MYEF2: variants seen among roughly 807,000 people sequenced by gnomAD.
MYEF2 encodes the protein myelin gene expression factor 2.
Under a neutral mutation model 75.2 loss-of-function variants are expected in MYEF2, and 37 were observed. The ratio of observed to expected loss-of-function variants is 0.49; its 90% CI spans 0.38 to 0.65. MYEF2 has a LOEUF of 0.65. Among genes scored for constraint, MYEF2 ranks in the 30% least tolerant of loss-of-function variants. MYEF2 has a pLI of 0.00. For synonymous variants in MYEF2, 195 were observed against 241.6 expected, an observed-to-expected ratio of 0.81 and a Z score of 1.79; for missense variants, 634 against 771.4, an observed-to-expected ratio of 0.82 and a Z score of 2.11.
At chr15:48,156,041 G>C in intron 9 of MYEF2, among the ~76,000 whole-genome samples, 1 of 152,058 alleles carries the variant, frequency 6.6e-6, no homozygotes, top group East Asian at 1.9e-4. Context: ...GCCTCCCAAA[G>C]TGCTGGGATT....
intron 7 of MYEF2, 112 bp downstream of exon 7, chr15:48,158,657 A>G (rs1393032008): frequency 7.8e-7 from 1 of 1,281,588 alleles, no homozygotes; most frequent in East Asian, 2.3e-5. Context: ...ACTAAAGTCT[A>G]ACACACATCT....
Position 48,134,672 on chromosome 15 carries a change from G to A in MYEF2, c.*8236C>T, listed in dbSNP as rs2038852547. The A allele has an allele frequency of 1.4e-6, 1 of 736,418 alleles. No individual in the cohort carries two copies. The highest frequency in any genetic ancestry group is 2.8e-5 in the Admixed American group (1 of 35,636). The allele number at this position is 736,418 out of a possible 1,614,324, so 45.6% of individuals were successfully genotyped here. A position where few individuals can be genotyped will look rare whatever the true frequency, so the allele number is the denominator to read the frequency against. ...TTATTAATCAGTAGAAAAACAACATGTATTCAATTTAATGTTAATCCACAA... is the reference window on the plus strand; with the variant it reads ...TTATTAATCAGTAGAAAAACAACATATATTCAATTTAATGTTAATCCACAA... On this transcript the variant is annotated 3_prime_UTR_variant, in exon 17 of 17. Transcript: ENST00000324324.
chr15:48,142,165 TTA>T lies in MYEF2; in HGVS notation c.*741_*742del, dbSNP rs752602941. 1 of 1,613,890 alleles carries T rather than the reference TTA, an allele frequency of 6.2e-7. No homozygotes were observed. Among genetic ancestry groups the T allele is most frequent in the Admixed American group, 1.7e-5 (1 of 60,032 alleles). Reference sequence around the variant, plus strand: ...CAGAAGTAAACAGCAGAGGACTAACTTACATAACCATCTCTCTCAACATTTCA... The same window carrying T: ...CAGAAGTAAACAGCAGAGGACTAACTCATAACCATCTCTCTCAACATTTCA... On this transcript the variant is annotated 3_prime_UTR_variant, in exon 17 of 17. Coordinates refer to ENST00000324324, the MANE Select transcript of MYEF2 (RefSeq NM_016132.5).
Position 48,149,118 on chromosome 15 carries a change from A to G in MYEF2, c.1588-35T>C, listed in dbSNP as rs762285100. The G allele has an allele frequency of 4.3e-6, 7 of 1,612,246 alleles. No homozygotes were observed. The highest frequency in any genetic ancestry group is 5.9e-6 in the Non-Finnish European group (7 of 1,178,872). On this transcript the variant is annotated intron_variant, in intron 15 of 16. Transcript: ENST00000324324. The surrounding 1 kb of genome is among the most constrained non-coding windows in gnomAD (Gnocchi z 4.0). ...AAAGAGGTATTAGTAACATATATAC[A>G]AGAAAAAAAAGAATTTGAATTATCC...
Position 48,137,508 on chromosome 15 carries a change from T to C in MYEF2, c.*5400A>G, listed in dbSNP as rs1358742367. 1 of 152,174 alleles carries C rather than the reference T, an allele frequency of 6.6e-6. No individual in the cohort carries two copies. The highest frequency in any genetic ancestry group is 1.5e-5 in the Non-Finnish European group (1 of 68,044). 9.4% of individuals were successfully genotyped at this position (152,174 alleles called of 1,614,324 possible). On this transcript the variant is annotated 3_prime_UTR_variant, in exon 17 of 17. Transcript: ENST00000324324. ...AGAGAAATTATTAGAACTGTTATCT[T>C]AGTAATGTTACCCAAAATGATGTTC... is the stretch of plus-strand genomic sequence containing the variant.
rs867245480 is a variant in MYEF2 at position 48,134,816 on chromosome 15, G to A, written c.*8092C>T. ...AACTACAAATATATAAACAATTTTA[G>A]TATTATACTAAGGATTGTACTTGAA... is the stretch of plus-strand genomic sequence containing the variant. On this transcript the variant is annotated 3_prime_UTR_variant, in exon 17 of 17. Coordinates refer to ENST00000324324, the MANE Select transcript of MYEF2 (RefSeq NM_016132.5). 105 of 1,181,816 alleles carry A rather than the reference G, an allele frequency of 8.9e-5. 2 individuals carry two copies. The Middle Eastern group carries it at 4.0e-3, about 45-fold the overall frequency. The allele number at this position is 1,181,816 out of a possible 1,614,324, so 73.2% of individuals were successfully genotyped here. A position where few individuals can be genotyped will look rare whatever the true frequency, so the allele number is the denominator to read the frequency against.
chr15:48,152,360 C>T, intron 10 of MYEF2, 76 bp from the exon 11 acceptor site: 3 of 1,214,486 alleles, frequency 2.5e-6, no homozygotes, highest in Non-Finnish European at 3.6e-6. Context: ...TGCATTATAG[C>T]AAAATAGATA....
In MYEF2 at chr15:48,138,990, T is replaced by C. The variant is rs1161899030; in HGVS notation, c.*3918A>G. On this transcript the variant is annotated 3_prime_UTR_variant, in exon 17 of 17. Coordinates refer to ENST00000324324, the MANE Select transcript of MYEF2 (RefSeq NM_016132.5). ...ACAGATCCACCAAGTGTTTTCAACA[T>C]GCCTGAAGCAGACTTAAAAAGAATT... The C allele has an allele frequency of 1.2e-6, 2 of 1,612,360 alleles. No individual in the cohort carries two copies. The highest frequency in any genetic ancestry group is 1.7e-6 in the Non-Finnish European group (2 of 1,179,012).
Position 48,149,083 on chromosome 15 carries a change from G to A in MYEF2, c.1588C>T (p.Leu530=). The A allele has an allele frequency of 3.1e-6, 5 of 1,613,076 alleles. No individual in the cohort carries two copies. The highest frequency in any genetic ancestry group is 4.2e-6 in the Non-Finnish European group (5 of 1,179,282). ...TTCTGCCAAGTCAAGTCAAAAGGTA[G>A]CTAGAATGAAAAGAGGTATTAGTAA... ...SKGNQIFVRN[L]PFDLTWQKLK... Residue 530 remains leucine (L), a splice_region_variant and synonymous_variant, in exon 16 of 17, where the codon CTA becomes TTA. Coordinates refer to ENST00000324324, the MANE Select transcript of MYEF2 (RefSeq NM_016132.5). This position sits in a 1 kb window ranked among gnomAD's most constrained non-coding sequence, Gnocchi z 4.0.
chr15:48,176,800 T>C (rs1435020370), intron 1 of MYEF2, among the ~76,000 whole-genome samples: 3 of 152,248 alleles, frequency 2.0e-5, no homozygotes, highest in Admixed American at 6.5e-5. Context: ...CTTCATTCCC[T>C]TTCTGGTTCC....
In MYEF2 at chr15:48,163,497, G is replaced by A. The variant is rs570354535; in HGVS notation, c.525+2436C>T. Among the ~76,000 whole-genome samples, 5 of 152,322 alleles carry A rather than the reference G, an allele frequency of 3.3e-5. No homozygotes were observed. The East Asian group carries it at 7.7e-4, about 23-fold the overall frequency. On this transcript the variant is annotated intron_variant, in intron 5 of 16. Transcript: ENST00000324324. ...TAAAAGTGCAAGTGAAGCAGCAAGT[G>A]CTGATGTAGAAGCTACAGAAAGTTA...
Position 48,138,755 on chromosome 15 carries a change from A to C in MYEF2, c.*4153T>G. ...TTTATAGATTTAAGGCCCCAAATAA[A>C]GAAATGCGGAGTATCACATCTTACA... On this transcript the variant is annotated 3_prime_UTR_variant, in exon 17 of 17. Coordinates refer to ENST00000324324, the MANE Select transcript of MYEF2 (RefSeq NM_016132.5). The C allele has an allele frequency of 5.9e-6, 3 of 504,814 alleles. No individual in the cohort carries two copies. Among genetic ancestry groups the C allele is most frequent in the Non-Finnish European group, 1.1e-5 (3 of 281,774 alleles). 31.3% of individuals were successfully genotyped at this position (504,814 alleles called of 1,614,324 possible). A position where few individuals can be genotyped will look rare whatever the true frequency, so the allele number is the denominator to read the frequency against.
At chr15:48,162,012 G>A (rs1359867091) in intron 5 of MYEF2, among the ~76,000 whole-genome samples, 4 of 151,176 alleles carry the variant, frequency 2.6e-5, no homozygotes, top group Non-Finnish European at 5.9e-5. Flanking sequence ...ACCAATAATT[G>A]GCTGACACAA....
At chr15:48,157,581 G>T in intron 9 of MYEF2, 1 of 202,422 alleles carries the variant, frequency 4.9e-6, no homozygotes, top group Non-Finnish European at 8.9e-6. Context: ...ATGAAAAAAT[G>T]CTTATACTCT....
In MYEF2 at chr15:48,149,499, AATTT is replaced by A; in HGVS notation, c.1379-132_1379-129del. 1 of 602,412 alleles carries A rather than the reference AATTT, an allele frequency of 1.7e-6. No homozygotes were observed. Among genetic ancestry groups the A allele is most frequent in the Non-Finnish European group, 2.8e-6 (1 of 357,862 alleles). The allele number at this position is 602,412 out of a possible 1,614,324, so 37.3% of individuals were successfully genotyped here. On this transcript the variant is annotated intron_variant, in intron 14 of 16. Transcript: ENST00000324324. This position sits in a 1 kb window ranked among gnomAD's most constrained non-coding sequence, Gnocchi z 4.0. ...ATTTTTGAGAAAGAAGGGGGAAATTAATTTGTTTATATAATTAAATAATATAAAA... is the reference window on the plus strand; with the variant it reads ...ATTTTTGAGAAAGAAGGGGGAAATTAGTTTATATAATTAAATAATATAAAA...
rs552086615 is a variant in MYEF2 at position 48,140,066 on chromosome 15, A to T, written c.*2842T>A. 9 of 152,260 alleles carry T rather than the reference A, an allele frequency of 5.9e-5. No homozygotes were observed. The highest frequency in any genetic ancestry group is 2.2e-4 in the African/African-American group (9 of 41,576). The allele number at this position is 152,260 out of a possible 1,614,324, so 9.4% of individuals were successfully genotyped here. ...AATGTAAGTCTCAGAATAGTATGCT[A>T]GCAAAAAGTGGACTACTTCTTCCTT... On this transcript the variant is annotated 3_prime_UTR_variant, in exon 17 of 17. Coordinates refer to ENST00000324324, the MANE Select transcript of MYEF2 (RefSeq NM_016132.5).
intron 5 of MYEF2, among the ~76,000 whole-genome samples, chr15:48,162,418 G>A (rs2039975154): frequency 6.6e-6 from 1 of 152,078 alleles, no homozygotes; most frequent in African/African-American, 2.4e-5. Context: ...TCCCATCTTA[G>A]TAATTATGAA....
At position 48,158,160 on chromosome 15, in the gene MYEF2, T is replaced by C. The variant is rs1312934980; in HGVS notation, c.921+15A>G. 3 of 1,612,898 alleles carry C rather than the reference T, an allele frequency of 1.9e-6. No individual in the cohort carries two copies. Among genetic ancestry groups the C allele is most frequent in the Admixed American group, 1.7e-5 (1 of 59,938 alleles). ...CTGAAGAGGTTGGAGGTTGAAGTGA[T>C]ATACAGGAACTCACCATTTTCACAT... On this transcript the variant is annotated intron_variant, in intron 8 of 16. Transcript: ENST00000324324.
At chr15:48,158,968 C>A in intron 6 of MYEF2, 46 bp from the exon 7 acceptor site, 1 of 1,530,800 alleles carries the variant, frequency 6.5e-7, no homozygotes, top group South Asian at 1.2e-5. Context: ...AAATCCATCT[C>A]CCCATCTGTA....
Sources: allele counts gnomAD v4.1 joint callset (sites outside exome capture counted in the v4.1 genomes callset), GRCh38; gene constraint gnomAD v4.1.1; non-coding constraint Gnocchi (gnomAD v3.1); transcripts MANE v1.5; gene names NCBI Gene and HGNC (gene_info 2026-07-23, HGNC 2026-07-21).